The following PSMA8 variants were observed in gnomAD, a reference collection of about 807,000 sequenced individuals.
PSMA8 encodes proteasome 20S subunit alpha 8.
A neutral mutation model predicts 32.4 loss-of-function variants in PSMA8; 18 were observed. That is an observed-to-expected ratio of 0.56 (90% CI 0.38 to 0.82). The LOEUF (loss-of-function observed/expected upper bound fraction) is 0.82. PSMA8 is among the 40% of genes least tolerant of loss of function. The probability of loss-of-function intolerance (pLI) is 0.00; values close to 1 mark genes in which losing one functional copy is unlikely to be tolerated. For missense variants in PSMA8, 298 were observed against 300.7 expected (o/e 0.99, Z 0.07); for synonymous variants, 104 against 98.1 (o/e 1.06, Z -0.36).
chr18:26,150,159 T>C (rs2144290447), intron 2 of PSMA8, among the ~76,000 whole-genome samples: 1 of 152,244 alleles, frequency 6.6e-6, no homozygotes, highest in Non-Finnish European at 1.5e-5. Flanking sequence ...ACGCAAATAT[T>C]CCAAAACCTG....
intron 4 of PSMA8, among the ~76,000 whole-genome samples, chr18:26,177,515 A>G (rs1412030341): frequency 1.3e-5 from 2 of 152,340 alleles, no homozygotes; most frequent in African/African-American, 2.4e-5. Context: ...CCTGACACAT[A>G]AGTGTTCTGT....
chr18:26,167,854 T>TGACA (rs1480453739), intron 4 of PSMA8, among the ~76,000 whole-genome samples: 127 of 131,326 alleles, frequency 9.7e-4, no homozygotes, highest in African/African-American at 2.5e-3. Flanking sequence ...TATTTTTTTT[T>TGACA]TTTTTTTTTA....
chr18:26,151,756 A>G (rs917290594), intron 2 of PSMA8, 102 bp from the exon 3 acceptor site: 3 of 1,098,646 alleles, frequency 2.7e-6, no homozygotes, highest in Non-Finnish European at 3.8e-6. Context: ...GAAAAAAAGG[A>G]TAAGAAAGAT....
chr18:26,185,279 A>G (rs900841724), intron 6 of PSMA8, among the ~76,000 whole-genome samples: 1 of 150,446 alleles, frequency 6.6e-6, no homozygotes, highest in Non-Finnish European at 1.5e-5. Context: ...AGTGACTTAA[A>G]GAACAAGAAA....
chr18:26,136,081 T>C (rs2054909424), intron 1 of PSMA8, among the ~76,000 whole-genome samples: 2 of 152,332 alleles, frequency 1.3e-5, no homozygotes, highest in South Asian at 4.1e-4. Flanking sequence ...AGTATGTAGA[T>C]GTGATACTAT....
intron 4 of PSMA8, among the ~76,000 whole-genome samples, chr18:26,169,053 C>G (rs1458099807): frequency 7.6e-6 from 1 of 131,668 alleles, no homozygotes; most frequent in Non-Finnish European, 1.5e-5. Flanking sequence ...ACAATCACGA[C>G]TCACTGCAGC....
chr18:26,139,478 G>A (rs975248625), intron 1 of PSMA8, among the ~76,000 whole-genome samples: 4 of 152,174 alleles, frequency 2.6e-5, no homozygotes, highest in Admixed American at 6.5e-5. Flanking sequence ...ACTGTGTCCC[G>A]ATTCCTGAAC....
chr18:26,165,412 C>T (rs569056277), intron 4 of PSMA8, among the ~76,000 whole-genome samples: 2 of 152,104 alleles, frequency 1.3e-5, no homozygotes, highest in South Asian at 2.1e-4. Context: ...GTTAGTTGTT[C>T]GTTGTACTTT....
chr18:26,144,828 A>T, intron 2 of PSMA8, 143 bp downstream of exon 2: 3 of 658,956 alleles, frequency 4.6e-6, no homozygotes, highest in Non-Finnish European at 7.0e-6. Flanking sequence ...TAAAGCAAAT[A>T]CTAACTTTGT....
chr18:26,148,628 G>T (rs2055022294), intron 2 of PSMA8, among the ~76,000 whole-genome samples: 1 of 152,042 alleles, frequency 6.6e-6, no homozygotes, highest in African/African-American at 2.4e-5. Context: ...GCCCACTTTT[G>T]CCGCTGCTAT....
At chr18:26,180,536 T>C (rs1021296659) in intron 6 of PSMA8, among the ~76,000 whole-genome samples, 1 of 151,662 alleles carries the variant, frequency 6.6e-6, no homozygotes, top group Non-Finnish European at 1.5e-5. Flanking sequence ...AATTACAGAG[T>C]GCTGAGCACA....
intron 4 of PSMA8, among the ~76,000 whole-genome samples, chr18:26,175,638 TG>T (rs1478947414): frequency 1.2e-4 from 18 of 152,184 alleles, no homozygotes; most frequent in African/African-American, 2.9e-4. Flanking sequence ...ATAAGGTTTT[TG>T]TTTCTGGAGG....
intron 4 of PSMA8, among the ~76,000 whole-genome samples, chr18:26,161,374 C>G (rs1254142596): frequency 6.6e-6 from 1 of 152,084 alleles, no homozygotes; most frequent in Non-Finnish European, 1.5e-5. Flanking sequence ...AGAACAGAAC[C>G]CTATCCCTGT....
At position 26,192,364 on chromosome 18, in the gene PSMA8, A is replaced by G; in HGVS notation, c.706A>G (p.Lys236Glu). The change falls in exon 7 of 7, where the codon AAG becomes GAG. Residue 236 changes from lysine (K) to glutamate (E), a missense_variant. By Grantham distance (56) the Lys-to-Glu change is moderately conservative. Transcript: ENST00000415576. ...TGAATTATATGTAACTGAAATAGAA[A>G]AGGAAAAGGAAGAAGCAGAGAAGAA... ...EVELYVTEIE[K>E]EKEEAEKKKS... is the part of the protein sequence containing the mutation. 1.3e-6 allele frequency: 2 copies of G among 1,520,446 alleles called. No homozygotes were observed. Among genetic ancestry groups the G allele is most frequent in the South Asian group, 1.4e-5 (1 of 72,950 alleles). 94.2% of individuals were successfully genotyped at this position (1,520,446 alleles called of 1,614,324 possible). A position where few individuals can be genotyped will look rare whatever the true frequency, so the allele number is the denominator to read the frequency against.
intron 1 of PSMA8, among the ~76,000 whole-genome samples, chr18:26,142,093 G>T (rs1324853960): frequency 1.4e-5 from 2 of 142,818 alleles, no homozygotes; most frequent in Non-Finnish European, 3.0e-5. Context: ...GGGCTGGAGT[G>T]CAGTGGCACG....
chr18:26,156,120 A>G (rs980688296), intron 3 of PSMA8, among the ~76,000 whole-genome samples: 3 of 152,238 alleles, frequency 2.0e-5, no homozygotes, highest in Admixed American at 1.3e-4. Context: ...CTCACCTCAG[A>G]ATGGCTATTA....
At position 26,182,819 on chromosome 18, in the gene PSMA8, G is replaced by A. The variant is rs113402928; in HGVS notation, c.660+3689G>A. Reference sequence around the variant, plus strand: ...GTCTCTACCAACATTGGCTGGGCACGGTAGCTCATGCCTGTAATCCCAGCA... The same window carrying A: ...GTCTCTACCAACATTGGCTGGGCACAGTAGCTCATGCCTGTAATCCCAGCA... On this transcript the variant is annotated intron_variant, in intron 6 of 6. Transcript: ENST00000415576. Among the ~76,000 whole-genome samples the A allele has an allele frequency of 7.4e-3, 1,120 of 152,236 alleles. 9 individuals carry two copies. The highest frequency in any genetic ancestry group is 0.012 in the Non-Finnish European group (844 of 68,006).
At chr18:26,148,965 GCCT>G (rs1178205630) in intron 2 of PSMA8, among the ~76,000 whole-genome samples, 2 of 152,042 alleles carry the variant, frequency 1.3e-5, no homozygotes, top group African/African-American at 4.8e-5. Context: ...TCCCACCTCA[GCCT>G]CCTGAATGCA....
intron 4 of PSMA8, among the ~76,000 whole-genome samples, chr18:26,168,447 T>C (rs1164092755): frequency 2.5e-5 from 3 of 119,672 alleles, no homozygotes; most frequent in Admixed American, 8.2e-5. Context: ...CCTGTACTTC[T>C]TTCTGCCCTA....
Sources: allele counts gnomAD v4.1 joint callset (sites outside exome capture counted in the v4.1 genomes callset), GRCh38; gene constraint gnomAD v4.1.1; transcripts MANE v1.5; gene names NCBI Gene and HGNC (gene_info 2026-07-23, HGNC 2026-07-21).